CEP95: variants seen among roughly 807,000 people sequenced by gnomAD.
CEP95 encodes centrosomal protein of 95 kDa.
Under a neutral mutation model 111.2 loss-of-function variants are expected in CEP95, and 98 were observed. The observed-to-expected ratio is 0.88, with a 90% CI of 0.75 to 1.04. The LOEUF (loss-of-function observed/expected upper bound fraction) is 1.04, where lower values mean the gene tolerates loss of function less well. Among genes scored for constraint, CEP95 ranks in the 50% least tolerant of loss-of-function variants. The pLI is 0.00. For missense variants in CEP95, 1,027 were observed against 977.2 expected (o/e 1.05, Z -0.68); for synonymous variants, 323 against 327.1 (o/e 0.99, Z 0.14).
chr17:64,533,283 T>G (rs781796084), intron 16 of CEP95, 92 bp downstream of exon 16: 19 of 998,336 alleles, frequency 1.9e-5, no homozygotes, highest in Admixed American at 8.1e-5. Context: ...GCACAGACCC[T>G]TAACCTCTTA....
At chr17:64,531,060 A>G in intron 13 of CEP95, 42 bp downstream of exon 13, 1 of 1,145,318 alleles carries the variant, frequency 8.7e-7, no homozygotes, top group Non-Finnish European at 1.3e-6. Context: ...ATTTGATCAG[A>G]TGAGTGGGAA....
At chr17:64,518,381 TAATA>T (rs1239829035) in intron 5 of CEP95, among the ~76,000 whole-genome samples, 1 of 152,210 alleles carries the variant, frequency 6.6e-6, no homozygotes, top group Non-Finnish European at 1.5e-5. Flanking sequence ...TTAAGGCTAA[TAATA>T]AAAGTTGCCA....
intron 1 of CEP95, chr17:64,507,509 A>T (rs1232792848): frequency 1.7e-6 from 2 of 1,152,600 alleles, no homozygotes; most frequent in African/African-American, 1.6e-5. Context: ...AAGGAACAGC[A>T]TTCTTAAGAT....
chr17:64,515,763 T>G (rs2039107506), intron 4 of CEP95: 1 of 152,202 alleles, frequency 6.6e-6, no homozygotes, highest in African/African-American at 2.4e-5. Context: ...CTAGAGCTGA[T>G]CAGGTTCTTC....
At chr17:64,518,917 G>A (rs782422384) in intron 5 of CEP95, among the ~76,000 whole-genome samples, 2 of 152,128 alleles carry the variant, frequency 1.3e-5, no homozygotes, top group Non-Finnish European at 2.9e-5. Context: ...CTGACCTCAG[G>A]CAATCCACCT....
chr17:64,512,999 C>T (rs998442597), intron 3 of CEP95, among the ~76,000 whole-genome samples: 1 of 152,180 alleles, frequency 6.6e-6, no homozygotes, highest in South Asian at 2.1e-4. Flanking sequence ...GCATGAAGCA[C>T]TGCATTCTGG....
chr17:64,537,133 C>G, intron 19 of CEP95, 21 bp downstream of exon 19: 3 of 1,606,808 alleles, frequency 1.9e-6, no homozygotes, highest in Non-Finnish European at 2.5e-6. Flanking sequence ...AGATAGAAGC[C>G]AAGTCATGCA....
At chr17:64,527,903 C>CAT (rs1182844752) in intron 11 of CEP95, among the ~76,000 whole-genome samples, 8 of 150,328 alleles carry the variant, frequency 5.3e-5, no homozygotes, top group Admixed American at 2.0e-4. Flanking sequence ...CACACACACA[C>CAT]ACACGCGTGT....
upstream of CEP95, chr17:64,506,813 C>CCGA (rs782156342): frequency 4.2e-5 from 24 of 577,034 alleles, no homozygotes; most frequent in Non-Finnish European, 6.6e-5. Flanking sequence ...TGTGGACCGT[C>CCGA]CGACCCGCGT....
Position 64,532,879 on chromosome 17 carries a change from G to A in CEP95, c.1713G>A (p.Glu571=), listed in dbSNP as rs1968375715. The change falls in exon 15 of 20, where the codon GAG becomes GAA. Residue 571 remains glutamate (E), a synonymous_variant. Coordinates refer to ENST00000556440, the MANE Select transcript of CEP95 (RefSeq NM_138363.3). ...ACAGTCTCCTGCCCCTTATGCTGGA[G>A]CAGTTTCCGTTTCTTTATGTTTCTG... ...SEHSLLPLML[E]QFPFLYVSGP... 1 of 1,613,728 alleles carries A rather than the reference G, an allele frequency of 6.2e-7. No individual in the cohort carries two copies. Among genetic ancestry groups the A allele is most frequent in the African/African-American group, 1.3e-5 (1 of 74,900 alleles).
intron 5 of CEP95, 100 bp from the exon 6 acceptor site, chr17:64,519,221 A>C: frequency 1.4e-6 from 1 of 711,114 alleles, no homozygotes; most frequent in South Asian, 1.7e-5. Flanking sequence ...AGCAAAAGGG[A>C]GAGTCTTTTC....
At chr17:64,525,662 T>C (rs1967754715) in intron 8 of CEP95, 108 bp from the exon 9 acceptor site, 1 of 659,184 alleles carries the variant, frequency 1.5e-6, no homozygotes, top group South Asian at 1.9e-5. Context: ...AACACGGAGA[T>C]TGAAGGCACG....
intron 3 of CEP95, 22 bp downstream of exon 3, chr17:64,510,302 A>T: frequency 7.6e-7 from 1 of 1,309,740 alleles, no homozygotes; most frequent in Non-Finnish European, 1.1e-6. Flanking sequence ...TATAACTATC[A>T]CATAATTATG....
chr17:64,512,317 A>G (rs2038938260), intron 3 of CEP95, among the ~76,000 whole-genome samples: 1 of 152,258 alleles, frequency 6.6e-6, no homozygotes, highest in Non-Finnish European at 1.5e-5. Context: ...TCAGGGTTGC[A>G]GGACAAAGGG....
intron 8 of CEP95, 136 bp downstream of exon 8, chr17:64,523,031 C>T (rs1233150673): frequency 1.4e-6 from 1 of 699,380 alleles, no homozygotes; most frequent in Non-Finnish European, 2.3e-6. Flanking sequence ...AAGGAAGCCC[C>T]TATATTTAAA....
rs1555681744 is a variant in CEP95, at chr17:64,537,112, GGT to G, written c.2289+1_2289+2del. 2 of 1,611,392 alleles carry G rather than the reference GGT, an allele frequency of 1.2e-6. No homozygotes were observed. The highest frequency in any genetic ancestry group is 3.3e-5 in the Admixed American group (2 of 59,798). On this transcript the variant is annotated splice_donor_variant, in intron 19 of 19. Transcript: ENST00000556440. LOFTEE classifies it high-confidence loss of function. The stretch of plus-strand genomic sequence containing the variant: ...AAGCCAGAGAGAAATCTCAGGCCCA[GGT>G]AATAATTAAGATAGAAGCCAAGTCA...
Position 64,526,137 on chromosome 17 carries a change from A to G in CEP95, c.1089A>G (p.Leu363=), listed in dbSNP as rs201814510. Residue 363 remains leucine, a synonymous_variant, in exon 10 of 20, where the codon TTA becomes TTG. Coordinates refer to ENST00000556440, the MANE Select transcript of CEP95 (RefSeq NM_138363.3). ...TCCCCCAGAGGCCAAGAAAGAGATTAACAGAACAAGAATTACATGATGTAT... is the reference window on the plus strand; with the variant it reads ...TCCCCCAGAGGCCAAGAAAGAGATTGACAGAACAAGAATTACATGATGTAT... ...SPFPQRPRKR[L]TEQELHDVSE... 1.7e-5 allele frequency: 28 copies of G among 1,613,678 alleles called. No homozygotes were observed. Among genetic ancestry groups the G allele is most frequent in the African/African-American group, 2.7e-5 (2 of 74,938 alleles).
At chr17:64,537,562 A>G (rs782119869) in intron 19 of CEP95, 41 bp from the exon 20 acceptor site, 7 of 1,533,920 alleles carry the variant, frequency 4.6e-6, no homozygotes, top group East Asian at 2.3e-5. Context: ...GGGCCTGGAT[A>G]AATGCTGTGA....
chr17:64,511,667 C>T (rs1272006727), intron 3 of CEP95, among the ~76,000 whole-genome samples: 1 of 152,160 alleles, frequency 6.6e-6, no homozygotes, highest in African/African-American at 2.4e-5. Flanking sequence ...TACATACATC[C>T]TCCTCGGTTT....
Sources: gnomAD v4.1 joint callset for allele counts (sites outside exome capture counted in the v4.1 genomes callset) on GRCh38, gnomAD v4.1.1 for gene constraint, MANE v1.5 for transcripts, NCBI Gene and HGNC (gene_info 2026-07-23, HGNC 2026-07-21) for gene names.